The following ANKRD36 variants were observed in gnomAD, a reference collection of about 807,000 sequenced individuals.
ANKRD36 encodes the protein ankyrin repeat domain-containing protein 36A.
A neutral mutation model predicts 278.1 loss-of-function variants in ANKRD36; 179 were observed. The ratio of observed to expected loss-of-function variants is 0.64; its 90% CI spans 0.57 to 0.73. The LOEUF (loss-of-function observed/expected upper bound fraction) is 0.73, where lower values mean the gene tolerates loss of function less well. Among genes scored for constraint, ANKRD36 ranks in the 30% least tolerant of loss-of-function variants. The pLI is 0.00. For synonymous variants in ANKRD36, 320 were observed against 641.1 expected, an observed-to-expected ratio of 0.50 and a Z score of 7.57; for missense variants, 1,159 against 1,956.7, an observed-to-expected ratio of 0.59 and a Z score of 7.69.
Position 97,143,302 on chromosome 2 carries a change from A to G in ANKRD36, c.901+467A>G, listed in dbSNP as rs1365829632. Among the ~76,000 whole-genome samples the G allele has an allele frequency of 7.2e-5, 11 of 151,948 alleles. 1 individual carries two copies. Among genetic ancestry groups the G allele is most frequent in the Admixed American group, 5.9e-4 (9 of 15,164 alleles). On this transcript the variant is annotated intron_variant, in intron 8 of 75. Coordinates refer to ENST00000420699, the MANE Select transcript of ANKRD36 (RefSeq NM_001354587.1). ...TTACTCAAGGAAGAGGGATTGAGGC[A>G]AGAAGGAGGGAAAAGAAGATGTTAT...
chr2:97,205,804 A>G, intron 50 of ANKRD36, 136 bp from the exon 51 acceptor site: 1 of 1,263,746 alleles, frequency 7.9e-7, no homozygotes, highest in Non-Finnish European at 1.1e-6. Flanking sequence ...TCTAGTCCCC[A>G]GACACAAAGT....
Position 97,183,478 on chromosome 2 carries a change from G to A in ANKRD36, c.1857G>A (p.Ser619=), listed in dbSNP as rs769461143. The A allele has an allele frequency of 4.2e-5, 65 of 1,565,242 alleles. No homozygotes were observed. The highest frequency in any genetic ancestry group is 2.7e-4 in the Admixed American group (15 of 55,538). Residue 619 remains serine, a synonymous_variant, in exon 27 of 76, where the codon TCG becomes TCA. Transcript: ENST00000420699. ...TTTCAGTGTCTCCTCAGAAACAATC[G>A]GCCTGGAAGGTAGTTACTCTTTCAT... is the stretch of plus-strand genomic sequence containing the variant. ...QSGTVSPQKQ[S]AWKVIFKKKV...
intron 11 of ANKRD36, among the ~76,000 whole-genome samples, chr2:97,146,808 A>G (rs2044377137): frequency 6.6e-6 from 1 of 151,622 alleles, no homozygotes; most frequent in African/African-American, 2.4e-5. Flanking sequence ...TAATCACTTC[A>G]TTTGCCCCTA....
Position 97,209,841 on chromosome 2 carries a change from A to G in ANKRD36, c.3336A>G (p.Arg1112=). ...AAGATTCTGTTTTGTATATAGCCAGAGAAAAAAAGGATGGAGAAAAATCTA... is the reference window on the plus strand; with the variant it reads ...AAGATTCTGTTTTGTATATAGCCAGGGAAAAAAAGGATGGAGAAAAATCTA... ...DEKDSVLYIA[R]EKKDGEKSRT... Residue 1112 remains arginine, a synonymous_variant, in exon 56 of 76, where the codon AGA becomes AGG. Transcript: ENST00000420699. 1 of 1,593,812 alleles carries G rather than the reference A, an allele frequency of 6.3e-7. No homozygotes were observed. The highest frequency in any genetic ancestry group is 8.5e-7 in the Non-Finnish European group (1 of 1,172,814).
intron 17 of ANKRD36, among the ~76,000 whole-genome samples, chr2:97,161,476 TTC>T (rs1320886910): frequency 6.6e-6 from 1 of 152,102 alleles, no homozygotes; most frequent in Admixed American, 6.6e-5. Flanking sequence ...TCGTTTTTGT[TTC>T]TCTCTTCTCC....
chr2:97,197,987 G>A (rs1252631877), intron 42 of ANKRD36, among the ~76,000 whole-genome samples: 10 of 152,018 alleles, frequency 6.6e-5, no homozygotes, highest in African/African-American at 1.7e-4. Flanking sequence ...TACTTCAACT[G>A]AATTGTCATC....
chr2:97,199,564 A>G (rs983249635), intron 44 of ANKRD36, among the ~76,000 whole-genome samples: 5 of 151,950 alleles, frequency 3.3e-5, no homozygotes, highest in African/African-American at 1.2e-4. Flanking sequence ...TGATTTCTGA[A>G]TGAAAAACTG....
chr2:97,198,112 C>T (rs1364634968), intron 42 of ANKRD36, among the ~76,000 whole-genome samples: 2 of 151,902 alleles, frequency 1.3e-5, no homozygotes, highest in Non-Finnish European at 2.9e-5. Flanking sequence ...GTACATGTAG[C>T]ACCTGCTTTG....
intron 62 of ANKRD36, chr2:97,216,908 C>G: frequency 1.3e-6 from 1 of 797,030 alleles, no homozygotes; most frequent in Admixed American, 2.2e-5. Flanking sequence ...TCAGCATATC[C>G]ACGTTGATAT....
Position 97,189,016 on chromosome 2 carries a change from C to A in ANKRD36, c.2144-71C>A. 2 of 681,372 alleles carry A rather than the reference C, an allele frequency of 2.9e-6. 1 individual carries two copies. 42.2% of individuals were successfully genotyped at this position (681,372 alleles called of 1,614,324 possible). On this transcript the variant is annotated intron_variant, in intron 32 of 75. Coordinates refer to ENST00000420699, the MANE Select transcript of ANKRD36 (RefSeq NM_001354587.1). ...GCAGAAGGATACAGCTGGATGCTAA[C>A]ACTGTGTGAATGTATGGATAACTTT...
chr2:97,191,143 T>C lies in ANKRD36; in HGVS notation c.2309T>C (p.Ile770Thr), dbSNP rs1215839449. 1.3e-6 allele frequency: 2 copies of C among 1,599,150 alleles called. No individual in the cohort carries two copies. Among genetic ancestry groups the C allele is most frequent in the Non-Finnish European group, 1.7e-6 (2 of 1,172,670 alleles). ...TTDEKDSVSN[I>T]ATEIKDGEKS... ...GATGAGAAAGATTCTGTTTCGAACA[T>C]AGCCACAGAAATAAAGGATGGAGAA... Residue 770 changes from isoleucine to threonine, a missense_variant, in exon 36 of 76, where the codon ATA becomes ACA. Transcript: ENST00000420699.
chr2:97,261,424 G>C (rs2076747334), intron 75 of ANKRD36, among the ~76,000 whole-genome samples: 1 of 133,958 alleles, frequency 7.5e-6, no homozygotes, highest in Admixed American at 7.8e-5. Context: ...CAAGCTCCCA[G>C]AAGGAGCTTG....
intron 20 of ANKRD36, among the ~76,000 whole-genome samples, chr2:97,166,603 G>T (rs1162357982): frequency 6.7e-6 from 1 of 149,954 alleles, no homozygotes; most frequent in Non-Finnish European, 1.5e-5. Flanking sequence ...GTGTTTGGGG[G>T]TTTCTGATGA....
In ANKRD36 at chr2:97,209,830, T is replaced by C. The variant is rs766444481; in HGVS notation, c.3325T>C (p.Tyr1109His). The change falls in exon 56 of 76, where the codon TAT (tyrosine) becomes CAT (histidine). Residue 1109 changes from tyrosine to histidine, a missense_variant. Physicochemically the swap from Tyr to His is moderately conservative, Grantham distance 83. Coordinates refer to ENST00000420699, the MANE Select transcript of ANKRD36 (RefSeq NM_001354587.1). ...AAGTGACGAGAAAGATTCTGTTTTG[T>C]ATATAGCCAGAGAAAAAAAGGATGG... is the stretch of plus-strand genomic sequence containing the variant. ...ATSDEKDSVL[Y>H]IAREKKDGEK... 1.3e-6 allele frequency: 2 copies of C among 1,597,006 alleles called. No individual in the cohort carries two copies. Among genetic ancestry groups the C allele is most frequent in the South Asian group, 2.2e-5 (2 of 88,964 alleles).
intron 75 of ANKRD36, among the ~76,000 whole-genome samples, chr2:97,256,372 C>G (rs2076218267): frequency 6.6e-6 from 1 of 152,148 alleles, no homozygotes; most frequent in Non-Finnish European, 1.5e-5. Context: ...AAAAAAAATT[C>G]TGCTTCAATT....
intron 53 of ANKRD36, 33 bp downstream of exon 53, chr2:97,207,872 T>C: frequency 1.9e-6 from 3 of 1,544,958 alleles, no homozygotes; most frequent in Non-Finnish European, 2.6e-6. Context: ...TGTGAACTAG[T>C]AAATGTATAG....
At chr2:97,135,373 A>G (rs1338574940) in intron 6 of ANKRD36, among the ~76,000 whole-genome samples, 2 of 151,960 alleles carry the variant, frequency 1.3e-5, no homozygotes, top group Non-Finnish European at 2.9e-5. Context: ...TGCATAAATT[A>G]GGCACAATAA....
chr2:97,129,414 T>C (rs879562848), intron 6 of ANKRD36, among the ~76,000 whole-genome samples: 30 of 152,122 alleles, frequency 2.0e-4, no homozygotes, highest in Non-Finnish European at 3.4e-4. Flanking sequence ...TCTCCCATTC[T>C]GTAGGTTGTC....
At chr2:97,228,401 T>C (rs1455159531) in intron 67 of ANKRD36, among the ~76,000 whole-genome samples, 1 of 152,130 alleles carries the variant, frequency 6.6e-6, no homozygotes, top group Non-Finnish European at 1.5e-5. Context: ...GCATTTCTTC[T>C]AGATTTTCTA....
Sources: allele counts gnomAD v4.1 joint callset (sites outside exome capture counted in the v4.1 genomes callset), GRCh38; gene constraint gnomAD v4.1.1; transcripts MANE v1.5; gene names NCBI Gene and HGNC (gene_info 2026-07-23, HGNC 2026-07-21).